Variants in MFSD11 observed in about 807,000 individuals in gnomAD.
The protein encoded by MFSD11 is major facilitator superfamily domain containing 11.
In MFSD11, 36 loss-of-function variants were observed where a neutral mutation model predicts 53.5. The observed-to-expected ratio is 0.67, with a 90% CI of 0.52 to 0.89. The LOEUF (loss-of-function observed/expected upper bound fraction) is 0.89. Among genes scored for constraint, MFSD11 ranks in the 40% least tolerant of loss-of-function variants. MFSD11 has a pLI of 0.00. For synonymous variants in MFSD11, 186 were observed against 184.9 expected (o/e 1.01, Z -0.05); for missense variants, 530 against 543.9 (o/e 0.97, Z 0.25).
chr17:76,790,075 CT>C, the MFSD11 span, among the ~76,000 whole-genome samples: 257 of 135,992 alleles, frequency 1.9e-3, 5 homozygotes, highest in Admixed American at 4.6e-3. Context: ...CATTTCTTTT[CT>C]TTTTTTTTTT....
chr17:76,777,033 C>G (rs1376692135), intron 12 of MFSD11, among the ~76,000 whole-genome samples: 2 of 151,966 alleles, frequency 1.3e-5, no homozygotes, highest in Admixed American at 1.3e-4. Flanking sequence ...TTTGGGAGGC[C>G]AAGGTGGGCG....
the MFSD11 span, among the ~76,000 whole-genome samples, chr17:76,800,719 G>A: frequency 6.6e-6 from 1 of 152,078 alleles, no homozygotes; most frequent in Non-Finnish European, 1.5e-5. Flanking sequence ...ATAACCTTAA[G>A]ATGTGTTTCT....
At chr17:76,739,849 T>A (rs1040603227) in intron 2 of MFSD11, among the ~76,000 whole-genome samples, 2 of 152,196 alleles carry the variant, frequency 1.3e-5, no homozygotes, top group Admixed American at 6.5e-5. Context: ...CTTTTTCTAC[T>A]TTTTTGTCTT....
chr17:76,796,284 T>C, the MFSD11 span, among the ~76,000 whole-genome samples: 1 of 152,250 alleles, frequency 6.6e-6, no homozygotes, highest in African/African-American at 2.4e-5. Flanking sequence ...CACAGCAGCC[T>C]TTTCCTGACT....
the MFSD11 span, among the ~76,000 whole-genome samples, chr17:76,797,282 C>T: frequency 8.3e-4 from 126 of 152,204 alleles, no homozygotes; most frequent in South Asian, 0.013. Flanking sequence ...GTTTTTTGAT[C>T]AGTTGCTAAG....
chr17:76,780,716 A>T (rs1274475721), downstream of MFSD11, among the ~76,000 whole-genome samples: 1 of 151,660 alleles, frequency 6.6e-6, no homozygotes, highest in South Asian at 2.1e-4. Flanking sequence ...GGGTTTCACC[A>T]TGTTGGTCAG....
the MFSD11 span, among the ~76,000 whole-genome samples, chr17:76,795,781 G>A: frequency 6.6e-6 from 1 of 151,434 alleles, no homozygotes; most frequent in Non-Finnish European, 1.5e-5. Flanking sequence ...AGCCTCCTGA[G>A]TAGCTGGGAC....
chr17:76,753,967 C>G (rs545439042), intron 7 of MFSD11, 80 bp from the exon 8 acceptor site: 1 of 1,238,040 alleles, frequency 8.1e-7, no homozygotes, highest in Non-Finnish European at 1.1e-6. Flanking sequence ...TTTTTACGAA[C>G]GTAAATGAAA....
At chr17:76,741,294 A>G (rs561063607) in intron 3 of MFSD11, among the ~76,000 whole-genome samples, 5 of 152,310 alleles carry the variant, frequency 3.3e-5, no homozygotes, top group African/African-American at 1.2e-4. Flanking sequence ...AAAAGTCTCT[A>G]TGAGGGTTGA....
chr17:76,749,693 C>A (rs891166917), intron 7 of MFSD11, among the ~76,000 whole-genome samples: 1 of 151,982 alleles, frequency 6.6e-6, no homozygotes, highest in Admixed American at 6.6e-5. Context: ...AGATCGAGAC[C>A]ATCCTGGCCA....
At chr17:76,794,699 T>G in the MFSD11 span, among the ~76,000 whole-genome samples, 684 of 3,774 alleles carry the variant, frequency 0.18, 40 homozygotes, top group Non-Finnish European at 0.22. Context: ...TTTTTTTTTT[T>G]TTTTTTGTTT....
the MFSD11 span, among the ~76,000 whole-genome samples, chr17:76,799,963 T>TTTTTC: frequency 6.7e-6 from 1 of 148,596 alleles, no homozygotes; most frequent in African/African-American, 2.5e-5. Context: ...TCCTTTTTTT[T>TTTTTC]TTTTTTTTTT....
At chr17:76,742,881 A>G (rs533287475) in intron 5 of MFSD11, among the ~76,000 whole-genome samples, 2 of 152,092 alleles carry the variant, frequency 1.3e-5, no homozygotes, top group Admixed American at 6.5e-5. Flanking sequence ...CTTCTGAGGA[A>G]TCACCCTCAT....
chr17:76,802,633 C>T, the MFSD11 span, among the ~76,000 whole-genome samples: 2 of 152,210 alleles, frequency 1.3e-5, no homozygotes, highest in Non-Finnish European at 2.9e-5. Flanking sequence ...AATCCCAGCA[C>T]TTCGGGAGGC....
chr17:76,789,181 A>AAG, the MFSD11 span, among the ~76,000 whole-genome samples: 2 of 149,962 alleles, frequency 1.3e-5, no homozygotes, highest in Non-Finnish European at 3.0e-5. Context: ...GCAGGAATGA[A>AAG]AGGAAGCAAA....
chr17:76,773,173 A>G (rs1337889230), intron 10 of MFSD11: 1 of 152,412 alleles, frequency 6.6e-6, no homozygotes, highest in Non-Finnish European at 1.5e-5. Flanking sequence ...TTTTCTGTGT[A>G]GCTTTCCTTT....
intron 8 of MFSD11, 75 bp from the exon 9 acceptor site, chr17:76,767,311 G>T (rs2080938158): frequency 1.2e-6 from 1 of 866,462 alleles, no homozygotes; most frequent in Non-Finnish European, 1.9e-6. Context: ...GGGTGTTTTG[G>T]TTGAAGGAAG....
intron 8 of MFSD11, among the ~76,000 whole-genome samples, chr17:76,754,900 A>G (rs2079419090): frequency 1.3e-5 from 2 of 152,138 alleles, no homozygotes; most frequent in Admixed American, 1.3e-4. Flanking sequence ...TTAACAGAAC[A>G]GAAAACTGAG....
At chr17:76,748,053 A>G (rs2078706361) in intron 7 of MFSD11, 1 of 146,856 alleles carries the variant, frequency 6.8e-6, no homozygotes, top group Non-Finnish European at 1.5e-5. Context: ...CGTGTAAGAA[A>G]ATAGCAAAGT....
Sources: allele counts gnomAD v4.1 joint callset (sites outside exome capture counted in the v4.1 genomes callset), GRCh38; gene constraint gnomAD v4.1.1; transcripts MANE v1.5; gene names NCBI Gene and HGNC (gene_info 2026-07-23, HGNC 2026-07-21).